DNAH17: variants seen among roughly 807,000 people sequenced by gnomAD.
DNAH17 encodes the protein axonemal beta dynein heavy chain 17.
DNAH17 carries 376 observed loss-of-function variants against 485.6 expected under a neutral mutation model. The ratio of observed to expected loss-of-function variants is 0.77; its 90% CI spans 0.71 to 0.84. The LOEUF is 0.84. Among genes scored for constraint, DNAH17 ranks in the 40% least tolerant of loss-of-function variants. The probability of loss-of-function intolerance (pLI) is 0.00; values close to 1 mark genes in which losing one functional copy is unlikely to be tolerated. For missense variants in DNAH17, 6,370 were observed against 5,839.3 expected, an observed-to-expected ratio of 1.09 and a Z score of -2.96; for synonymous variants, 3,031 against 2,405.9, an observed-to-expected ratio of 1.26 and a Z score of -7.60.
intron 76 of DNAH17, 61 bp from the exon 77 acceptor site, chr17:78,428,768 G>C: frequency 6.3e-7 from 1 of 1,585,144 alleles, no homozygotes; most frequent in South Asian, 1.1e-5. Context: ...CCCATGTCCT[G>C]TTGGTTAAGC....
At chr17:78,529,766 T>A in intron 21 of DNAH17, 72 bp from the exon 22 acceptor site, 7 of 1,505,578 alleles carry the variant, frequency 4.6e-6, no homozygotes, top group African/African-American at 1.4e-5. Flanking sequence ...CGGAGCCCCA[T>A]GAGAGGGGGA....
chr17:78,567,406 T>C (rs184134710), intron 9 of DNAH17, among the ~76,000 whole-genome samples: 81 of 152,080 alleles, frequency 5.3e-4, no homozygotes, highest in African/African-American at 2.0e-3. Flanking sequence ...GAGGTGTGAA[T>C]GAGGAGGAGC....
At chr17:78,503,945 G>A (rs996875046) in intron 31 of DNAH17, among the ~76,000 whole-genome samples, 2 of 150,886 alleles carry the variant, frequency 1.3e-5, no homozygotes, top group Non-Finnish European at 1.5e-5. Context: ...CAGCCTGGGC[G>A]ACAAGAGTGA....
chr17:78,461,784 G>A lies in DNAH17; in HGVS notation c.9175-76C>T, dbSNP rs996236391. 5 of 1,444,344 alleles carry A rather than the reference G, an allele frequency of 3.5e-6. No individual in the cohort carries two copies. The Admixed American group carries it at 7.1e-5, about 20-fold the overall frequency. The allele number at this position is 1,444,344 out of a possible 1,614,324, so 89.5% of individuals were successfully genotyped here. Reference sequence around the variant, plus strand: ...CGCCGCCCTGCACTGGGCAGACGAGGGCTGGGAGCCACAGAGGGGCAGAAC... The same window carrying A: ...CGCCGCCCTGCACTGGGCAGACGAGAGCTGGGAGCCACAGAGGGGCAGAAC... On this transcript the variant is annotated intron_variant, in intron 57 of 80. Coordinates refer to ENST00000389840, the MANE Select transcript of DNAH17 (RefSeq NM_173628.4).
intron 19 of DNAH17, among the ~76,000 whole-genome samples, chr17:78,534,848 G>A (rs184677612): frequency 6.6e-6 from 1 of 152,046 alleles, no homozygotes; most frequent in African/African-American, 2.4e-5. Flanking sequence ...TCTCCTCCTT[G>A]TCCTGACCCA....
At chr17:78,524,167 T>G (rs2091003425) in intron 25 of DNAH17, among the ~76,000 whole-genome samples, 1 of 152,150 alleles carries the variant, frequency 6.6e-6, no homozygotes, top group Non-Finnish European at 1.5e-5. Context: ...AGATGGAGTC[T>G]CACTCTATCG....
chr17:78,560,855 T>C lies in DNAH17; in HGVS notation c.1916A>G (p.Lys639Arg), dbSNP rs954371816. 3 of 1,551,688 alleles carry C rather than the reference T, an allele frequency of 1.9e-6. No homozygotes were observed. The highest frequency in any genetic ancestry group is 2.6e-6 in the Non-Finnish European group (3 of 1,147,116). Residue 639 changes from lysine to arginine, a missense_variant, in exon 13 of 81, where the codon AAG becomes AGG. By Grantham distance (26) the Lys-to-Arg change is conservative (BLOSUM62 2). Coordinates refer to ENST00000389840, the MANE Select transcript of DNAH17 (RefSeq NM_173628.4). ...GCCCGCCACCCACTGCTGGTAGATC[T>C]TCTCGCGGTGGCACCTCAGCAGCTC... ...MMELLRCHRE[K>R]IYQQWVAGVD...
At chr17:78,558,504 CATGGGTGGATG>C (rs1244341595) in intron 13 of DNAH17, among the ~76,000 whole-genome samples, 11 of 148,084 alleles carry the variant, frequency 7.4e-5, no homozygotes, top group African/African-American at 2.9e-4. Context: ...ACATCACCCT[CATGGGTGGATG>C]ACATCACCCT....
chr17:78,522,551 C>T, intron 25 of DNAH17: 2 of 301,306 alleles, frequency 6.6e-6, no homozygotes, highest in Non-Finnish European at 1.3e-5. Flanking sequence ...TAAGTCACAC[C>T]CATGTTGGAG....
At chr17:78,448,809 A>G (rs1000520239) in intron 69 of DNAH17, among the ~76,000 whole-genome samples, 5 of 152,164 alleles carry the variant, frequency 3.3e-5, no homozygotes, top group African/African-American at 1.2e-4. Flanking sequence ...CTAGCCTTCC[A>G]CCATGGGATG....
At chr17:78,538,552 C>T (rs954257092) in intron 18 of DNAH17, among the ~76,000 whole-genome samples, 5 of 152,152 alleles carry the variant, frequency 3.3e-5, no homozygotes, top group African/African-American at 1.2e-4. Flanking sequence ...GAGTGAGGTG[C>T]TAATTGGGAC....
chr17:78,479,633 C>T lies in DNAH17; in HGVS notation c.7753-1G>A. 2 of 1,612,810 alleles carry T rather than the reference C, an allele frequency of 1.2e-6. No individual in the cohort carries two copies. The highest frequency in any genetic ancestry group is 1.7e-6 in the Non-Finnish European group (2 of 1,179,790). ...TCACAGCAAACACGCAGAAATGGCG[C>T]TACCCCAAAACAACCAAACACTCCA... is the stretch of plus-strand genomic sequence containing the variant. On this transcript the variant is annotated splice_acceptor_variant, in intron 49 of 80. Coordinates refer to ENST00000389840, the MANE Select transcript of DNAH17 (RefSeq NM_173628.4). LOFTEE classifies it high-confidence loss of function.
rs771415581 is a variant in DNAH17, at chr17:78,530,450, G to A, written c.3177C>T (p.His1059=). ...VSKCENTKVF[H]GWLQCDCRPF... Reference sequence around the variant, plus strand: ...GGCGGCAGTCGCACTGCAGCCAGCCGTGGAACACCTTGGTGTTCTCGCACT... The same window carrying A: ...GGCGGCAGTCGCACTGCAGCCAGCCATGGAACACCTTGGTGTTCTCGCACT... Residue 1059 remains histidine, a synonymous_variant, in exon 21 of 81, where the codon CAC becomes CAT. Transcript: ENST00000389840. The A allele has an allele frequency of 2.5e-5, 40 of 1,613,478 alleles. No individual in the cohort carries two copies. The highest frequency in any genetic ancestry group is 1.6e-4 in the Middle Eastern group (1 of 6,082).
intron 26 of DNAH17, chr17:78,510,751 G>GCCC (rs3031639): frequency 0.13 from 46,966 of 373,014 alleles, 1,948 homozygotes; most frequent in African/African-American, 0.15. Context: ...CGGAATTGCG[G>GCCC]CCCCCCCGCA....
Position 78,492,784 on chromosome 17 carries a change from A to G in DNAH17, c.6409-19T>C. On this transcript the variant is annotated intron_variant, in intron 41 of 80. Transcript: ENST00000389840. ...TGAGGACCTGGCGAAGGTGGGGGTCACTCACGTGTGACTCCATGTTCCTGG... is the reference window on the plus strand; with the variant it reads ...TGAGGACCTGGCGAAGGTGGGGGTCGCTCACGTGTGACTCCATGTTCCTGG... 1 of 1,605,358 alleles carries G rather than the reference A, an allele frequency of 6.2e-7. No individual in the cohort carries two copies. Among genetic ancestry groups the G allele is most frequent in the Non-Finnish European group, 8.5e-7 (1 of 1,176,452 alleles).
intron 73 of DNAH17, 127 bp downstream of exon 73, chr17:78,438,963 T>G (rs1184924862): frequency 1.5e-5 from 21 of 1,374,784 alleles, no homozygotes; most frequent in Middle Eastern, 5.3e-4. Flanking sequence ...TTCAGTGGTG[T>G]TAGGATTTCC....
At chr17:78,542,424 C>T (rs1044732362) in intron 17 of DNAH17, among the ~76,000 whole-genome samples, 1 of 152,088 alleles carries the variant, frequency 6.6e-6, no homozygotes, top group African/African-American at 2.4e-5. Flanking sequence ...CTGGGACTAC[C>T]AGCGTGAGCC....
intron 37 of DNAH17, 142 bp downstream of exon 37, chr17:78,498,866 G>C: frequency 1.8e-6 from 1 of 557,228 alleles, no homozygotes; most frequent in Non-Finnish European, 3.1e-6. Flanking sequence ...TGGAGGGCAA[G>C]AGCTCAATGG....
At chr17:78,488,716 A>G (rs1192546096) in intron 44 of DNAH17, among the ~76,000 whole-genome samples, 1 of 152,186 alleles carries the variant, frequency 6.6e-6, no homozygotes, top group African/African-American at 2.4e-5. Context: ...AGATGTCATC[A>G]AGGATCTTGA....
Sources: gnomAD v4.1 joint callset for allele counts (sites outside exome capture counted in the v4.1 genomes callset) on GRCh38, gnomAD v4.1.1 for gene constraint, MANE v1.5 for transcripts, NCBI Gene and HGNC (gene_info 2026-07-23, HGNC 2026-07-21) for gene names.